DAG1: variants seen among roughly 807,000 people sequenced by gnomAD.
DAG1 encodes the protein dystroglycan 1 (dystrophin-associated glycoprotein 1).
Under a neutral mutation model 46.1 loss-of-function variants are expected in DAG1, and 8 were observed. The ratio of observed to expected loss-of-function variants is 0.17; its 90% CI spans 0.10 to 0.31. DAG1 has a LOEUF of 0.31. Among genes scored for constraint, DAG1 ranks in the 10% least tolerant of loss-of-function variants. The probability of loss-of-function intolerance (pLI) is 1.00; values close to 1 mark genes in which losing one functional copy is unlikely to be tolerated. For missense variants in DAG1, 1,003 were observed against 1,189.9 expected, an observed-to-expected ratio of 0.84 and a Z score of 2.31; for synonymous variants, 495 against 481.8, an observed-to-expected ratio of 1.03 and a Z score of -0.36.
chr3:49,491,077 G>T (rs1236683949), intron 1 of DAG1, among the ~76,000 whole-genome samples: 1 of 151,844 alleles, frequency 6.6e-6, no homozygotes, highest in Non-Finnish European at 1.5e-5. Context: ...GTAGAGACAG[G>T]TTTCGCCATG....
intron 1 of DAG1, among the ~76,000 whole-genome samples, chr3:49,484,983 A>ATTATT (rs928746879): frequency 5.3e-5 from 8 of 150,786 alleles, no homozygotes; most frequent in Admixed American, 2.0e-4. Context: ...TTTTATTGTT[A>ATTATT]TTATTTTATT....
chr3:49,480,210 C>A (rs1237213651), intron 1 of DAG1, among the ~76,000 whole-genome samples: 1 of 151,496 alleles, frequency 6.6e-6, no homozygotes, highest in Non-Finnish European at 1.5e-5. Flanking sequence ...CCTTGGCCCC[C>A]CAAAGTGCTG....
At chr3:49,484,819 G>A (rs1217112174) in intron 1 of DAG1, among the ~76,000 whole-genome samples, 4 of 149,490 alleles carry the variant, frequency 2.7e-5, no homozygotes, top group African/African-American at 7.4e-5. Context: ...TTTTTGAGAC[G>A]GAGTCTTGCT....
In DAG1 at chr3:49,474,089, C is replaced by G. The variant is rs570516646; in HGVS notation, c.-117+3656C>G. Among the ~76,000 whole-genome samples, 7 of 151,966 alleles carry G rather than the reference C, an allele frequency of 4.6e-5. No homozygotes were observed. The East Asian group carries it at 1.4e-3, about 30-fold the overall frequency. On this transcript the variant is annotated intron_variant, in intron 1 of 2. Coordinates refer to ENST00000308775, the MANE Select transcript of DAG1 (RefSeq NM_004393.6). Reference sequence around the variant, plus strand: ...ATATTTTTTGAGACCGAGTCTTGCTCTGTTGCCGAAGCTGGAGTGCAGTGG... The same window carrying G: ...ATATTTTTTGAGACCGAGTCTTGCTGTGTTGCCGAAGCTGGAGTGCAGTGG...
At chr3:49,490,043 T>G (rs1176611291) in intron 1 of DAG1, among the ~76,000 whole-genome samples, 1 of 152,200 alleles carries the variant, frequency 6.6e-6, no homozygotes, top group Admixed American at 6.5e-5. Flanking sequence ...CCGTGTTCCT[T>G]TCTCTTACCA....
At chr3:49,522,146 C>A (rs1432677427) in intron 2 of DAG1, among the ~76,000 whole-genome samples, 2 of 152,180 alleles carry the variant, frequency 1.3e-5, no homozygotes, top group Non-Finnish European at 2.9e-5. Context: ...TCTCCTGCCT[C>A]AGCCTCCCAA....
At chr3:49,505,471 T>C (rs1338075694) in intron 1 of DAG1, among the ~76,000 whole-genome samples, 2 of 152,216 alleles carry the variant, frequency 1.3e-5, no homozygotes, top group African/African-American at 2.4e-5. Flanking sequence ...TTTTTAATTT[T>C]GGTGTCCACA....
chr3:49,505,330 G>A (rs1297722454), intron 1 of DAG1, among the ~76,000 whole-genome samples: 1 of 151,836 alleles, frequency 6.6e-6, no homozygotes, highest in South Asian at 2.1e-4. Context: ...TCAAACTCCT[G>A]GGTTCCTCCG....
At chr3:49,479,900 A>G (rs571275991) in intron 1 of DAG1, among the ~76,000 whole-genome samples, 271 of 147,164 alleles carry the variant, frequency 1.8e-3, no homozygotes, top group Non-Finnish European at 3.5e-3. Context: ...TCGGCCCCCC[A>G]GAGTGCTGGG....
chr3:49,528,253 C>G (rs1009534969), intron 2 of DAG1, among the ~76,000 whole-genome samples: 2 of 139,464 alleles, frequency 1.4e-5, no homozygotes, highest in East Asian at 4.0e-4. Context: ...GATTTTTCAG[C>G]CAAAACATTT....
chr3:49,507,491 A>G (rs2050635993), intron 1 of DAG1, among the ~76,000 whole-genome samples: 1 of 152,166 alleles, frequency 6.6e-6, no homozygotes, highest in Admixed American at 6.5e-5. Flanking sequence ...TGAACCTGGG[A>G]GGCGGAGGTT....
At position 49,510,561 on chromosome 3, in the gene DAG1, G is replaced by C; in HGVS notation, c.27G>C (p.Leu9=). The C allele has an allele frequency of 6.2e-7, 1 of 1,613,834 alleles. No homozygotes were observed. Among genetic ancestry groups the C allele is most frequent in the Non-Finnish European group, 8.5e-7 (1 of 1,180,016 alleles). The change falls in exon 2 of 3, where the codon CTG becomes CTC. Residue 9 remains leucine (L), a synonymous_variant. Coordinates refer to ENST00000308775, the MANE Select transcript of DAG1 (RefSeq NM_004393.6). ...TGAGGATGTCTGTGGGCCTCTCGCT[G>C]CTGCTGCCCCTCTCGGGGAGGACCT... The part of the protein sequence containing the change: MRMSVGLS[L]LLPLSGRTFL...
rs1456160681 is a variant in DAG1, at chr3:49,534,045, A to T, written c.*846A>T. The T allele has an allele frequency of 6.6e-6, 1 of 152,574 alleles. No individual in the cohort carries two copies. The highest frequency in any genetic ancestry group is 1.5e-5 in the Non-Finnish European group (1 of 68,170). 9.5% of individuals were successfully genotyped at this position (152,574 alleles called of 1,614,324 possible). ...CGACCAAGGGGTCTTCATTTCCATG[A>T]AAAAGGGACTCCAAGAGGCAGTGGT... On this transcript the variant is annotated 3_prime_UTR_variant, in exon 3 of 3. Transcript: ENST00000308775.
rs11538155 is a variant in DAG1, at chr3:49,534,970, G to T, written c.*1771G>T. The T allele has an allele frequency of 0.014, 2,104 of 152,780 alleles. 40 individuals carry two copies. The highest frequency in any genetic ancestry group is 0.015 in the Non-Finnish European group (1,009 of 68,240). The allele number at this position is 152,780 out of a possible 1,614,324, so 9.5% of individuals were successfully genotyped here. On this transcript the variant is annotated 3_prime_UTR_variant, in exon 3 of 3. Coordinates refer to ENST00000308775, the MANE Select transcript of DAG1 (RefSeq NM_004393.6). ...CTCAGGAGGGGAGGGCTGGTAGGAG[G>T]GGGGGAGAGGTCTCTGTCCTACTGC...
intron 2 of DAG1, among the ~76,000 whole-genome samples, chr3:49,515,158 T>C (rs2050864176): frequency 6.6e-6 from 1 of 151,948 alleles, no homozygotes; most frequent in African/African-American, 2.4e-5. Flanking sequence ...TTAGTAGAGA[T>C]GGGGTTTCAC....
intron 2 of DAG1, among the ~76,000 whole-genome samples, chr3:49,517,383 TATA>T (rs1415167971): frequency 1.3e-5 from 2 of 152,166 alleles, no homozygotes; most frequent in East Asian, 3.8e-4. Context: ...GCTTTGGAAT[TATA>T]ATTTAATGCT....
Position 49,534,398 on chromosome 3 carries a change from G to A in DAG1, c.*1199G>A, listed in dbSNP as rs2051455338. 4 of 152,562 alleles carry A rather than the reference G, an allele frequency of 2.6e-5. No homozygotes were observed. The highest frequency in any genetic ancestry group is 7.2e-5 in the African/African-American group (3 of 41,412). The allele number at this position is 152,562 out of a possible 1,614,324, so 9.5% of individuals were successfully genotyped here. A position where few individuals can be genotyped will look rare whatever the true frequency, so the allele number is the denominator to read the frequency against. On this transcript the variant is annotated 3_prime_UTR_variant, in exon 3 of 3. Coordinates refer to ENST00000308775, the MANE Select transcript of DAG1 (RefSeq NM_004393.6). Reference sequence around the variant, plus strand: ...CCCAGGCCTTGGGCCTGAACTACTGGAAAAGGTCTGGCGGCTGGGGAGGAG... The same window carrying A: ...CCCAGGCCTTGGGCCTGAACTACTGAAAAAGGTCTGGCGGCTGGGGAGGAG...
chr3:49,520,969 A>G (rs546624579), intron 2 of DAG1, among the ~76,000 whole-genome samples: 63 of 152,150 alleles, frequency 4.1e-4, no homozygotes, highest in South Asian at 1.9e-3. Context: ...GAGAGAGCCT[A>G]ATTCTTCAGT....
At chr3:49,507,857 A>G (rs1366515108) in intron 1 of DAG1, among the ~76,000 whole-genome samples, 1 of 151,964 alleles carries the variant, frequency 6.6e-6, no homozygotes, top group Non-Finnish European at 1.5e-5. Flanking sequence ...TAATTTTCTT[A>G]ATAGAAATTA....
Sources: gnomAD v4.1 joint callset for allele counts (sites outside exome capture counted in the v4.1 genomes callset) on GRCh38, gnomAD v4.1.1 for gene constraint, MANE v1.5 for transcripts, NCBI Gene and HGNC (gene_info 2026-07-23, HGNC 2026-07-21) for gene names.